COL6A6: variants seen among roughly 807,000 people sequenced by gnomAD.
COL6A6 encodes the protein collagen alpha-6(VI) chain.
Under a neutral mutation model 208.6 loss-of-function variants are expected in COL6A6, and 183 were observed. The ratio of observed to expected loss-of-function variants is 0.88; its 90% CI spans 0.78 to 0.99. The LOEUF is 0.99. Among genes scored for constraint, COL6A6 ranks in the 50% least tolerant of loss-of-function variants. COL6A6 has a pLI of 0.00. For missense variants in COL6A6, 2,816 were observed against 2,815.2 expected, an observed-to-expected ratio of 1.00 and a Z score of -0.01; for synonymous variants, 973 against 1,011.8, an observed-to-expected ratio of 0.96 and a Z score of 0.73.
intron 1 of COL6A6, among the ~76,000 whole-genome samples, chr3:130,553,197 G>A (rs2062687120): frequency 1.3e-5 from 2 of 152,148 alleles, no homozygotes; most frequent in African/African-American, 4.8e-5. Context: ...GGCCTCTCTA[G>A]CCAGGTTGGG....
intron 27 of COL6A6, among the ~76,000 whole-genome samples, 192 bp downstream of exon 27, chr3:130,634,817 G>A (rs141231050): frequency 3.3e-5 from 5 of 152,210 alleles, no homozygotes; most frequent in African/African-American, 1.2e-4. Flanking sequence ...GGAGTGTAAG[G>A]CTTAAAAAGT....
intron 1 of COL6A6, among the ~76,000 whole-genome samples, chr3:130,553,254 G>T (rs1222024906): frequency 6.6e-6 from 1 of 152,136 alleles, no homozygotes; most frequent in African/African-American, 2.4e-5. Flanking sequence ...CAAGTTGTTT[G>T]TTTGCTTTCT....
At chr3:130,576,999 A>G (rs950625934) in intron 8 of COL6A6, among the ~76,000 whole-genome samples, 1 of 152,150 alleles carries the variant, frequency 6.6e-6, no homozygotes, top group African/African-American at 2.4e-5. Flanking sequence ...AATCTAAATA[A>G]TCTCTAAAAG....
rs1294275315 is a variant in COL6A6, at chr3:130,560,384, TC to T, written c.22del (p.Leu8SerfsTer2). MMLLIL[F>X]LVIICSHISV... ...CATAATATGATGTTGCTAATTTTGT[TC>T]CTCGTGATAATTTGTTCCCATATTT... On this transcript the variant is annotated frameshift_variant, in exon 2 of 37. Transcript: ENST00000358511. LOFTEE classifies it high-confidence loss of function. The T allele has an allele frequency of 3.1e-6, 5 of 1,611,938 alleles. No homozygotes were observed. In the African/African-American group the frequency reaches 6.7e-5, roughly 22 times the overall value.
At chr3:130,613,945 A>G (rs886499523) in intron 23 of COL6A6, among the ~76,000 whole-genome samples, 8 of 152,158 alleles carry the variant, frequency 5.3e-5, no homozygotes, top group African/African-American at 9.7e-5. Flanking sequence ...TAGATATAAA[A>G]TCTTGTCATT....
At chr3:130,637,349 C>T (rs987817423) in intron 28 of COL6A6, among the ~76,000 whole-genome samples, 8 of 151,662 alleles carry the variant, frequency 5.3e-5, no homozygotes, top group South Asian at 4.2e-4. Flanking sequence ...ATCAGAAGCA[C>T]GCTAACAAGT....
At chr3:130,546,289 G>A (rs1405320690) in intron 1 of COL6A6, among the ~76,000 whole-genome samples, 4 of 151,868 alleles carry the variant, frequency 2.6e-5, no homozygotes, top group African/African-American at 7.3e-5. Context: ...GCAGACCTTC[G>A]CGATGAGTGT....
intron 29 of COL6A6, among the ~76,000 whole-genome samples, chr3:130,642,397 G>C (rs1411103606): frequency 6.6e-6 from 1 of 152,062 alleles, no homozygotes; most frequent in Non-Finnish European, 1.5e-5. Context: ...AGCTCTGGCT[G>C]CTGTTCAGTG....
intron 6 of COL6A6, among the ~76,000 whole-genome samples, chr3:130,570,492 T>G (rs536874886): frequency 6.6e-6 from 1 of 152,262 alleles, no homozygotes; most frequent in African/African-American, 2.4e-5. Context: ...ACAGGAAAAT[T>G]TACACAGAAT....
In COL6A6 at chr3:130,662,126, G is replaced by C. The variant is rs114298837; in HGVS notation, c.6320G>C (p.Arg2107Pro). ...DGEILKKESL[R>P]AKCQGYALFV... ...GAAATCTTAAAGAAGGAATCCTTGC[G>C]AGCCAAATGTCAGGGATATGCCTTA... Residue 2107 changes from arginine to proline, a missense_variant, in exon 35 of 37, where the codon CGA becomes CCA. Transcript: ENST00000358511. The C allele has an allele frequency of 1.2e-6, 2 of 1,613,990 alleles. No homozygotes were observed. The highest frequency in any genetic ancestry group is 8.5e-7 in the Non-Finnish European group (1 of 1,179,888).
In COL6A6 at chr3:130,568,136, A is replaced by T. The variant is rs201624963; in HGVS notation, c.1933A>T (p.Met645Leu). 16 of 1,614,036 alleles carry T rather than the reference A, an allele frequency of 9.9e-6. No individual in the cohort carries two copies. Among genetic ancestry groups the T allele is most frequent in the Admixed American group, 1.7e-5 (1 of 60,022 alleles). Residue 645 changes from methionine (M) to leucine (L), a missense_variant, in exon 6 of 37, where the codon ATG (methionine) becomes TTG (leucine). Met to Leu is a conservative substitution (Grantham distance 15). Coordinates refer to ENST00000358511, the MANE Select transcript of COL6A6 (RefSeq NM_001102608.3). Reference sequence around the variant, plus strand: ...AAACTTCAGCAAAATGAAAACATTTATGAAAAACCTGGTGAGCAAGTCTCA... The same window carrying T: ...AAACTTCAGCAAAATGAAAACATTTTTGAAAAACCTGGTGAGCAAGTCTCA... ...PENFSKMKTF[M>L]KNLVSKSQIG... is the part of the protein sequence containing the mutation.
At chr3:130,667,171 A>G (rs2066094506) in intron 36 of COL6A6, among the ~76,000 whole-genome samples, 1 of 152,220 alleles carries the variant, frequency 6.6e-6, no homozygotes, top group South Asian at 2.1e-4. Flanking sequence ...ACCACAGAAG[A>G]AGGGAATGAG....
At chr3:130,639,710 AT>A (rs1559777440) in intron 28 of COL6A6, among the ~76,000 whole-genome samples, 2 of 146,652 alleles carry the variant, frequency 1.4e-5, no homozygotes. Flanking sequence ...AAAAAAAAAA[AT>A]GACTGATTGG....
chr3:130,548,248 A>G (rs1201258915), intron 1 of COL6A6, among the ~76,000 whole-genome samples: 2 of 152,196 alleles, frequency 1.3e-5, no homozygotes, highest in African/African-American at 2.4e-5. Context: ...GTGCTGGGTA[A>G]AAGGAACTGC....
At chr3:130,531,297 A>G (rs998859721) in intron 1 of COL6A6, among the ~76,000 whole-genome samples, 1 of 135,750 alleles carries the variant, frequency 7.4e-6, no homozygotes, top group South Asian at 2.1e-4. Context: ...TTAGCAGCAT[A>G]CTAACAACAG....
At chr3:130,580,906 T>G (rs1366480090) in intron 8 of COL6A6, among the ~76,000 whole-genome samples, 1 of 152,228 alleles carries the variant, frequency 6.6e-6, no homozygotes, top group Admixed American at 6.5e-5. Flanking sequence ...AGCAGCACCA[T>G]CTTTGACATG....
chr3:130,563,786 T>C (rs1474761749), intron 3 of COL6A6, 122 bp downstream of exon 3: 3 of 666,750 alleles, frequency 4.5e-6, no homozygotes, highest in Non-Finnish European at 2.6e-6. Context: ...TCAGATGTTA[T>C]GTACCCATCG....
At chr3:130,526,005 T>A (rs966099330) in intron 1 of COL6A6, among the ~76,000 whole-genome samples, 4 of 147,396 alleles carry the variant, frequency 2.7e-5, no homozygotes, top group South Asian at 4.3e-4. Context: ...CATTTTTTTT[T>A]AATGTACAAA....
chr3:130,648,989 T>C (rs1350501563), intron 32 of COL6A6, 80 bp from the exon 33 acceptor site: 19 of 1,210,566 alleles, frequency 1.6e-5, no homozygotes, highest in Non-Finnish European at 2.1e-5. Flanking sequence ...ATGCTTAACA[T>C]TTAAAATTAC....
Sources: allele counts gnomAD v4.1 joint callset (sites outside exome capture counted in the v4.1 genomes callset), GRCh38; gene constraint gnomAD v4.1.1; transcripts MANE v1.5; gene names NCBI Gene and HGNC (gene_info 2026-07-23, HGNC 2026-07-21).